Variants in ZNF428 observed in about 807,000 individuals in gnomAD.
The protein encoded by ZNF428 is enzyme-like protein PIT13.
A neutral mutation model predicts 15.6 loss-of-function variants in ZNF428; 5 were observed. The ratio of observed to expected loss-of-function variants is 0.32; its 90% CI spans 0.17 to 0.67. ZNF428 has a LOEUF of 0.67. Among genes scored for constraint, ZNF428 ranks in the 30% least tolerant of loss-of-function variants. The pLI is 0.73. For synonymous variants in ZNF428, 97 were observed against 102.2 expected (o/e 0.95, Z 0.31); for missense variants, 237 against 256.0 (o/e 0.93, Z 0.51).
chr19:43,610,777 G>A (rs1220902603), intron 2 of ZNF428, among the ~76,000 whole-genome samples: 1 of 152,040 alleles, frequency 6.6e-6, no homozygotes, highest in Non-Finnish European at 1.5e-5. Flanking sequence ...GACCCAGTGG[G>A]AGGCCTTCCT....
chr19:43,612,940 C>A lies in ZNF428; in HGVS notation c.76+1289G>T. On this transcript the variant is annotated intron_variant, in intron 2 of 2. Coordinates refer to ENST00000300811, the MANE Select transcript of ZNF428 (RefSeq NM_182498.4). The surrounding 1 kb of genome is among the most constrained non-coding windows in gnomAD (Gnocchi z 4.2). ...GGGTCAAGAGTTATAACCAGGCCAG[C>A]ACCCGCAGCAGGCCGCAAAGTCACA... is the stretch of plus-strand genomic sequence containing the variant. 1.3e-6 allele frequency: 2 copies of A among 1,551,678 alleles called. No individual in the cohort carries two copies. Among genetic ancestry groups the A allele is most frequent in the Non-Finnish European group, 1.7e-6 (2 of 1,146,974 alleles).
chr19:43,613,018 C>G, intron 2 of ZNF428: 1 of 1,551,630 alleles, frequency 6.4e-7, no homozygotes, highest in Non-Finnish European at 8.7e-7. Context: ...AGAGGACGCA[C>G]AGCAGAGTGA....
intron 2 of ZNF428, among the ~76,000 whole-genome samples, chr19:43,611,339 C>CAA (rs1973294661): frequency 2.7e-5 from 4 of 146,256 alleles, no homozygotes; most frequent in African/African-American, 1.0e-4. Flanking sequence ...TTTTTTTTTT[C>CAA]GAGAGAGAGT....
chr19:43,613,479 G>A lies in ZNF428; in HGVS notation c.76+750C>T, dbSNP rs1189416255. The stretch of plus-strand genomic sequence containing the variant: ...AAGGCGAGAGATCGCAGCCGATCTA[G>A]AAGTCCCAACAAGGCAAGAGATCAT... On this transcript the variant is annotated intron_variant, in intron 2 of 2. Transcript: ENST00000300811. 1.9e-6 allele frequency: 3 copies of A among 1,545,050 alleles called. No homozygotes were observed. The African/African-American group carries it at 4.4e-5, about 22-fold the overall frequency.
intron 2 of ZNF428, 141 bp from the exon 3 acceptor site, chr19:43,608,248 G>A: frequency 8.8e-7 from 1 of 1,130,322 alleles, no homozygotes; most frequent in Non-Finnish European, 1.2e-6. Context: ...CTTCCCCACA[G>A]ATGAGTCCCC....
intron 2 of ZNF428, 50 bp downstream of exon 2, chr19:43,614,179 A>G: frequency 6.2e-7 from 1 of 1,614,178 alleles, no homozygotes; most frequent in Non-Finnish European, 8.5e-7. Context: ...GCCAAACCCT[A>G]AGCCAGGATG....
rs773797236 is a variant in ZNF428, at chr19:43,608,112, A to AG, written c.77-6dup. The AG allele has an allele frequency of 6.2e-7, 1 of 1,608,738 alleles. No homozygotes were observed. Among genetic ancestry groups the AG allele is most frequent in the Non-Finnish European group, 8.5e-7 (1 of 1,177,232 alleles). On this transcript the variant is annotated splice_polypyrimidine_tract_variant and splice_region_variant and intron_variant, in intron 2 of 2. Transcript: ENST00000300811. Reference sequence around the variant, plus strand: ...AATCAGAGGAATGCTCGGGGCCTGGAGGGGGACAGACAGGGGAAGACAGTG... The same window carrying AG: ...AATCAGAGGAATGCTCGGGGCCTGGAGGGGGGACAGACAGGGGAAGACAGTG...
rs376502140 is a variant in ZNF428, at chr19:43,614,074, C to T, written c.76+155G>A. On this transcript the variant is annotated intron_variant, in intron 2 of 2. Transcript: ENST00000300811. ...AATCTACAGTCCCCAGAAGTCCCGA[C>T]TGGAAGAGATCCCCTACTAGGACAA... The T allele has an allele frequency of 5.8e-6, 9 of 1,559,278 alleles. No individual in the cohort carries two copies. The African/African-American group carries it at 1.2e-4, about 21-fold the overall frequency.
chr19:43,614,821 CTCCTGACCT>C (rs1369080560), intron 1 of ZNF428, among the ~76,000 whole-genome samples: 2 of 152,204 alleles, frequency 1.3e-5, no homozygotes, highest in African/African-American at 4.8e-5. Context: ...TGGGCTCGAA[CTCCTGACCT>C]CAGGTGATCC....
At chr19:43,614,033 G>A in intron 2 of ZNF428, 196 bp downstream of exon 2, 2 of 1,551,966 alleles carry the variant, frequency 1.3e-6, no homozygotes, top group Non-Finnish European at 1.7e-6. Context: ...CTCTAGCAAG[G>A]AGAGCGACCC....
chr19:43,608,973 C>T (rs950781278), intron 2 of ZNF428, among the ~76,000 whole-genome samples: 1 of 150,998 alleles, frequency 6.6e-6, no homozygotes, highest in African/African-American at 2.4e-5. Context: ...TTGATTCTTT[C>T]GATTGATTGC....
chr19:43,617,397 G>GA lies in ZNF428; in HGVS notation c.-131+2160dup, dbSNP rs904529789. Among the ~76,000 whole-genome samples, 81 of 152,280 alleles carry GA rather than the reference G, an allele frequency of 5.3e-4. 2 individuals are homozygous for GA. Among genetic ancestry groups the GA allele is most frequent in the South Asian group, 3.3e-3 (16 of 4,824 alleles). On this transcript the variant is annotated intron_variant, in intron 1 of 2. Transcript: ENST00000300811. ...CCCATGCACTGGGGATACAATGGTG[G>GA]AAAATACATGGTCCCTTCAAAGTCT...
rs574941166 is a variant in ZNF428 at position 43,612,443 on chromosome 19, G to A, written c.76+1786C>T. 652 of 1,551,318 alleles carry A rather than the reference G, an allele frequency of 4.2e-4. No homozygotes were observed. Among genetic ancestry groups the A allele is most frequent in the Non-Finnish European group, 4.9e-4 (566 of 1,146,916 alleles). ...GACCAGCAAAGCCAGCAAGGCCAGCGACGTGAGATGCCACCAGCGGAGGGG... is the reference window on the plus strand; with the variant it reads ...GACCAGCAAAGCCAGCAAGGCCAGCAACGTGAGATGCCACCAGCGGAGGGG... On this transcript the variant is annotated intron_variant, in intron 2 of 2. Transcript: ENST00000300811. This position sits in a 1 kb window ranked among gnomAD's most constrained non-coding sequence, Gnocchi z 4.2.
intron 1 of ZNF428, among the ~76,000 whole-genome samples, chr19:43,618,114 A>C (rs539262113): frequency 3.6e-5 from 5 of 140,696 alleles, no homozygotes; most frequent in Admixed American, 7.7e-5. Flanking sequence ...GGCTCACTGC[A>C]AGCTCCGCCT....
chr19:43,611,474 C>T (rs549817009), intron 2 of ZNF428, among the ~76,000 whole-genome samples: 2 of 152,152 alleles, frequency 1.3e-5, no homozygotes, highest in South Asian at 2.1e-4. Context: ...CGTGTGCTAT[C>T]ACACCTGGCT....
At chr19:43,614,968 G>A (rs1204686012) in intron 1 of ZNF428, among the ~76,000 whole-genome samples, 1 of 152,098 alleles carries the variant, frequency 6.6e-6, no homozygotes, top group African/African-American at 2.4e-5. Flanking sequence ...GTGGGGTAGG[G>A]AGAGGTGACA....
chr19:43,613,169 G>A, intron 2 of ZNF428: 1 of 1,551,664 alleles, frequency 6.4e-7, no homozygotes, highest in South Asian at 1.2e-5. Context: ...CCCCAGAAGA[G>A]GAAGAAGTCA....
At position 43,612,271 on chromosome 19, in the gene ZNF428, G is replaced by A. The variant is rs767525461; in HGVS notation, c.76+1958C>T. The A allele has an allele frequency of 8.4e-6, 13 of 1,551,416 alleles. No homozygotes were observed. The highest frequency in any genetic ancestry group is 2.4e-5 in the South Asian group (2 of 84,052). On this transcript the variant is annotated intron_variant, in intron 2 of 2. Coordinates refer to ENST00000300811, the MANE Select transcript of ZNF428 (RefSeq NM_182498.4). This position sits in a 1 kb window ranked among gnomAD's most constrained non-coding sequence, Gnocchi z 4.2. ...GATCCTTAGTGCCCACCAAACCAGC[G>A]ACATCCCGTAACTCAGTCATGAGCC...
At chr19:43,610,235 T>C (rs1973281260) in intron 2 of ZNF428, among the ~76,000 whole-genome samples, 1 of 152,004 alleles carries the variant, frequency 6.6e-6, no homozygotes, top group African/African-American at 2.4e-5. Context: ...AGTCTCGCTC[T>C]GTCATCCAGG....
Sources: gnomAD v4.1 joint callset for allele counts (sites outside exome capture counted in the v4.1 genomes callset) on GRCh38, gnomAD v4.1.1 for gene constraint, Gnocchi (gnomAD v3.1) non-coding constraint, MANE v1.5 for transcripts, NCBI Gene and HGNC (gene_info 2026-07-23, HGNC 2026-07-21) for gene names.